SCAPER: variants seen among roughly 807,000 people sequenced by gnomAD.
The protein encoded by SCAPER is S phase cyclin A-associated protein in the endoplasmic reticulum.
Under a neutral mutation model 182.2 loss-of-function variants are expected in SCAPER, and 98 were observed. The ratio of observed to expected loss-of-function variants is 0.54; its 90% confidence interval spans 0.46 to 0.64. The LOEUF is 0.64. Ranked by LOEUF, SCAPER falls within the 30% of genes least tolerant of loss-of-function variation. SCAPER has a pLI of 0.00. For missense variants in SCAPER, 1,432 were observed against 1,690.0 expected (o/e 0.85, Z 2.68); for synonymous variants, 605 against 564.6 (o/e 1.07, Z -1.01).
At chr15:76,510,973 CTAT>C (rs2041983540) in intron 23 of SCAPER, among the ~76,000 whole-genome samples, 1 of 152,080 alleles carries the variant, frequency 6.6e-6, no homozygotes, top group Admixed American at 6.5e-5. Context: ...GGACTGGAGA[CTAT>C]TATTTTAAGT....
At chr15:76,751,090 A>G (rs1172145013) in intron 15 of SCAPER, among the ~76,000 whole-genome samples, 1 of 151,866 alleles carries the variant, frequency 6.6e-6, no homozygotes, top group African/African-American at 2.4e-5. Context: ...ATACACTAAC[A>G]AGGAACAATC....
intron 20 of SCAPER, among the ~76,000 whole-genome samples, chr15:76,696,169 T>C (rs2058647825): frequency 1.3e-5 from 2 of 152,234 alleles, no homozygotes; most frequent in East Asian, 1.9e-4. Flanking sequence ...CAGACTACCA[T>C]AATTCTGGCA....
chr15:76,716,062 C>G (rs1324999374), intron 17 of SCAPER, among the ~76,000 whole-genome samples: 3 of 152,108 alleles, frequency 2.0e-5, no homozygotes, highest in African/African-American at 7.2e-5. Context: ...AAAGAGATCC[C>G]CTCAATGAAG....
At chr15:76,873,934 C>A (rs2072967011) in intron 2 of SCAPER, among the ~76,000 whole-genome samples, 1 of 151,318 alleles carries the variant, frequency 6.6e-6, no homozygotes, top group South Asian at 2.1e-4. Flanking sequence ...CGTTCTGTTG[C>A]CCAGGCTGGA....
At chr15:76,772,913 A>C (rs972224422) in intron 9 of SCAPER, among the ~76,000 whole-genome samples, 3 of 151,874 alleles carry the variant, frequency 2.0e-5, no homozygotes, top group Non-Finnish European at 4.4e-5. Flanking sequence ...ACCTCCCCCC[A>C]GTTTGATTAA....
intron 25 of SCAPER, among the ~76,000 whole-genome samples, chr15:76,441,412 A>C (rs574051297): frequency 1.3e-5 from 2 of 152,280 alleles, no homozygotes; most frequent in East Asian, 3.9e-4. Flanking sequence ...GATGCTTACA[A>C]AAGTCTTCGT....
At chr15:76,661,516 A>C (rs2056165721) in intron 21 of SCAPER, among the ~76,000 whole-genome samples, 1 of 152,216 alleles carries the variant, frequency 6.6e-6, no homozygotes, top group Admixed American at 6.5e-5. Context: ...AAAGTGGGCC[A>C]AGGACATGAA....
chr15:76,371,223 G>A (rs1161421023), intron 29 of SCAPER, among the ~76,000 whole-genome samples: 3 of 152,046 alleles, frequency 2.0e-5, no homozygotes, highest in African/African-American at 4.8e-5. Flanking sequence ...CCTCACTAAA[G>A]TGCTACTGAG....
intron 21 of SCAPER, among the ~76,000 whole-genome samples, chr15:76,637,732 ATATATATATATGTGTGTGTG>A (rs905284247): frequency 6.7e-5 from 2 of 29,856 alleles, no homozygotes; most frequent in African/African-American, 1.8e-4. Flanking sequence ...TTATATATAT[ATATATATATATGTGTGTGTG>A]TGTGTGTGTG....
At chr15:76,400,646 A>G (rs1651666912) in intron 27 of SCAPER, among the ~76,000 whole-genome samples, 1 of 152,212 alleles carries the variant, frequency 6.6e-6, no homozygotes, top group Admixed American at 6.5e-5. Context: ...CTTTCAGAGA[A>G]GTAGCTTACA....
intron 1 of SCAPER, among the ~76,000 whole-genome samples, chr15:76,898,110 T>G (rs1456547460): frequency 6.6e-6 from 1 of 152,188 alleles, no homozygotes; most frequent in Non-Finnish European, 1.5e-5. Flanking sequence ...ATGTTCTCAT[T>G]TCTCCAAAAA....
In SCAPER at chr15:76,369,641, C is replaced by A. The variant is rs146626814; in HGVS notation, c.3855+6521G>T. Among the ~76,000 whole-genome samples the A allele has an allele frequency of 2.6e-4, 40 of 152,364 alleles. 1 individual carries two copies. The East Asian group carries it at 7.7e-3, about 29-fold the overall frequency. ...CTGAAAACTAAACTTACCACACCCT[C>A]TTAGCAAATGCTCGCTTAGCAAATT... is the stretch of plus-strand genomic sequence containing the variant. On this transcript the variant is annotated intron_variant, in intron 29 of 31. Coordinates refer to ENST00000563290, the MANE Select transcript of SCAPER (RefSeq NM_020843.4).
intron 22 of SCAPER, among the ~76,000 whole-genome samples, chr15:76,585,540 G>C (rs1400078556): frequency 1.3e-5 from 2 of 152,052 alleles, no homozygotes; most frequent in African/African-American, 4.8e-5. Context: ...AGATATATAT[G>C]AATCTAGCAC....
intron 8 of SCAPER, chr15:76,793,115 G>A (rs1308723109): frequency 3.3e-6 from 2 of 612,042 alleles, no homozygotes; most frequent in African/African-American, 1.9e-5. Context: ...TTGGGGAAGA[G>A]AACATTAAAT....
chr15:76,572,695 A>G (rs1394732062), intron 23 of SCAPER, among the ~76,000 whole-genome samples: 1 of 152,142 alleles, frequency 6.6e-6, no homozygotes, highest in East Asian at 1.9e-4. Context: ...TAGGAATACA[A>G]ATTCTCCAGA....
intron 8 of SCAPER, among the ~76,000 whole-genome samples, chr15:76,791,118 G>A (rs2064975614): frequency 1.3e-5 from 2 of 152,076 alleles, no homozygotes; most frequent in South Asian, 2.1e-4. Context: ...TTTGTAAATT[G>A]ATTTCTAATT....
intron 28 of SCAPER, among the ~76,000 whole-genome samples, chr15:76,377,753 A>C (rs779929299): frequency 1.9e-4 from 29 of 152,232 alleles, no homozygotes; most frequent in Non-Finnish European, 3.5e-4. Flanking sequence ...AAATAATCTA[A>C]TGGATAACCT....
intron 25 of SCAPER, among the ~76,000 whole-genome samples, chr15:76,466,598 T>G (rs1243917976): frequency 6.6e-6 from 1 of 151,752 alleles, no homozygotes; most frequent in Non-Finnish European, 1.5e-5. Context: ...TTTTGCTCCT[T>G]TCTTTGGGCC....
chr15:76,371,971 AGT>A (rs2042215403), intron 29 of SCAPER, among the ~76,000 whole-genome samples: 2 of 151,836 alleles, frequency 1.3e-5, no homozygotes, highest in African/African-American at 4.8e-5. Context: ...CATAATGTGC[AGT>A]GTCTCAGCTT....
Sources: allele counts gnomAD v4.1 joint callset (sites outside exome capture counted in the v4.1 genomes callset), GRCh38; gene constraint gnomAD v4.1.1; transcripts MANE v1.5; gene names NCBI Gene and HGNC (gene_info 2026-07-23, HGNC 2026-07-21).